The following STXBP4 variants were observed in gnomAD, a reference collection of about 807,000 sequenced individuals.
The protein encoded by STXBP4 is syntaxin-binding protein 4.
STXBP4 carries 55 observed loss-of-function variants against 76.1 expected under a neutral mutation model. The observed-to-expected ratio is 0.72, with a 90% CI of 0.58 to 0.91. The LOEUF (loss-of-function observed/expected upper bound fraction) is 0.91. STXBP4 is among the 40% of genes least tolerant of loss of function. The pLI is 0.00. For missense variants in STXBP4, 618 were observed against 636.9 expected, an observed-to-expected ratio of 0.97 and a Z score of 0.32; for synonymous variants, 201 against 220.2, an observed-to-expected ratio of 0.91 and a Z score of 0.77.
intron 10 of STXBP4, among the ~76,000 whole-genome samples, chr17:55,041,988 G>T (rs912316616): frequency 1.3e-5 from 2 of 152,108 alleles, no homozygotes; most frequent in African/African-American, 4.8e-5. Flanking sequence ...ACTTCTGAGA[G>T]AGCAGAGTAA....
At position 55,127,386 on chromosome 17, in the gene STXBP4, G is replaced by C. The variant is rs145826850; in HGVS notation, c.1490-13924G>C. Among the ~76,000 whole-genome samples the C allele has an allele frequency of 3.9e-5, 6 of 152,140 alleles. No individual in the cohort carries two copies. The East Asian group carries it at 7.7e-4, about 20-fold the overall frequency. ...ATTGTTTTCAATTTGGAGCTAGTAT[G>C]AATAAAACTGTTGTGAACATTCAAG... On this transcript the variant is annotated intron_variant, in intron 16 of 17. Transcript: ENST00000376352.
At chr17:55,107,458 T>C (rs2079648827) in intron 16 of STXBP4, among the ~76,000 whole-genome samples, 1 of 152,232 alleles carries the variant, frequency 6.6e-6, no homozygotes, top group South Asian at 2.1e-4. Context: ...AAACTCATTC[T>C]CCATCCAGTT....
intron 16 of STXBP4, among the ~76,000 whole-genome samples, chr17:55,086,816 T>C (rs1567755449): frequency 6.6e-6 from 1 of 152,174 alleles, no homozygotes; most frequent in African/African-American, 2.4e-5. Context: ...TGTAGTTCTA[T>C]TTTTGTTTTT....
chr17:55,174,148 T>C (rs2092910324), downstream of STXBP4, among the ~76,000 whole-genome samples: 1 of 152,242 alleles, frequency 6.6e-6, no homozygotes, highest in Non-Finnish European at 1.5e-5. Flanking sequence ...CTTAATCACA[T>C]CTGCAAAATC....
intron 16 of STXBP4, among the ~76,000 whole-genome samples, chr17:55,136,848 G>A (rs1002553325): frequency 1.3e-5 from 2 of 152,088 alleles, no homozygotes; most frequent in South Asian, 2.1e-4. Context: ...ACGCCTTAAC[G>A]GAGGTTTCCC....
intron 16 of STXBP4, 85 bp from the exon 17 acceptor site, chr17:55,141,225 G>C: frequency 9.1e-7 from 1 of 1,094,602 alleles, no homozygotes; most frequent in Non-Finnish European, 1.3e-6. Context: ...TCAAATAATT[G>C]TAAAGATGAG....
chr17:55,024,298 A>C (rs2078373103), intron 8 of STXBP4, among the ~76,000 whole-genome samples: 1 of 152,236 alleles, frequency 6.6e-6, no homozygotes, highest in African/African-American at 2.4e-5. Flanking sequence ...TTCTAGTGCC[A>C]CCACATAAGG....
At position 55,161,069 on chromosome 17, in the gene STXBP4, G is replaced by A. The variant is rs2080332611; in HGVS notation, c.*1158G>A. Reference sequence around the variant, plus strand: ...CAGACCTAGAGGTCCTTAGAACATAGTCTAAGAACCATTCATTGTAGCCAT... The same window carrying A: ...CAGACCTAGAGGTCCTTAGAACATAATCTAAGAACCATTCATTGTAGCCAT... On this transcript the variant is annotated 3_prime_UTR_variant, in exon 18 of 18. Transcript: ENST00000376352. 2 of 152,198 alleles carry A rather than the reference G, an allele frequency of 1.3e-5. No homozygotes were observed. The highest frequency in any genetic ancestry group is 2.4e-5 in the African/African-American group (1 of 41,434). 9.4% of individuals were successfully genotyped at this position (152,198 alleles called of 1,614,324 possible).
At chr17:55,058,769 CTG>C (rs1320773094) in intron 12 of STXBP4, among the ~76,000 whole-genome samples, 3 of 152,110 alleles carry the variant, frequency 2.0e-5, no homozygotes, top group Non-Finnish European at 4.4e-5. Context: ...TTTATCATAA[CTG>C]AAATTACTAT....
intron 17 of STXBP4, among the ~76,000 whole-genome samples, chr17:55,142,782 T>C (rs1206400684): frequency 6.6e-6 from 1 of 152,196 alleles, no homozygotes; most frequent in Non-Finnish European, 1.5e-5. Context: ...TAGCATGAAG[T>C]GATTAATCAG....
rs1455387140 is a variant in STXBP4 at position 55,169,395 on chromosome 17, A to C, written c.*9484A>C. ...GGGGTGGGGGTGGGTGTAAATTTCC[A>C]GGTGCTTCCAGCCTGCAATGCAGTC... On this transcript the variant is annotated 3_prime_UTR_variant, in exon 18 of 18. Coordinates refer to ENST00000376352, the MANE Select transcript of STXBP4 (RefSeq NM_178509.6). 6.6e-6 allele frequency: 1 copy of C among 152,260 alleles called. No homozygotes were observed. The highest frequency in any genetic ancestry group is 2.4e-5 in the African/African-American group (1 of 41,398). 9.4% of individuals were successfully genotyped at this position (152,260 alleles called of 1,614,324 possible).
chr17:55,062,714 A>G (rs1383936078), intron 12 of STXBP4, among the ~76,000 whole-genome samples: 2 of 152,182 alleles, frequency 1.3e-5, no homozygotes, highest in African/African-American at 4.8e-5. Context: ...CACTCCCACC[A>G]ACAGTGTAAA....
At chr17:55,010,741 GC>G (rs1413306632) in intron 8 of STXBP4, among the ~76,000 whole-genome samples, 1 of 152,122 alleles carries the variant, frequency 6.6e-6, no homozygotes, top group Admixed American at 6.5e-5. Flanking sequence ...ACTGTAGAGA[GC>G]AATGGCATAC....
At chr17:54,974,799 A>G (rs1026076392) in intron 1 of STXBP4, among the ~76,000 whole-genome samples, 5 of 151,950 alleles carry the variant, frequency 3.3e-5, no homozygotes, top group African/African-American at 4.8e-5. Context: ...GGGCTACCCC[A>G]TAGGCACTCT....
chr17:54,997,839 C>G (rs1412855988), intron 4 of STXBP4, among the ~76,000 whole-genome samples: 1 of 149,846 alleles, frequency 6.7e-6, no homozygotes, highest in African/African-American at 2.5e-5. Context: ...CTTTCTGCCT[C>G]AGCCTCTCAA....
At chr17:54,996,645 T>C (rs2144458466) in intron 4 of STXBP4, among the ~76,000 whole-genome samples, 1 of 152,208 alleles carries the variant, frequency 6.6e-6, no homozygotes, top group Non-Finnish European at 1.5e-5. Flanking sequence ...GCTAAGAAAA[T>C]AGAGGTTCAT....
chr17:54,984,022 T>C (rs2077588143), intron 1 of STXBP4, among the ~76,000 whole-genome samples: 1 of 152,188 alleles, frequency 6.6e-6, no homozygotes, highest in South Asian at 2.1e-4. Flanking sequence ...TGGCTTCATT[T>C]TTCTGGCTGC....
intron 16 of STXBP4, among the ~76,000 whole-genome samples, chr17:55,134,319 G>A (rs1336245270): frequency 6.6e-6 from 1 of 152,040 alleles, no homozygotes; most frequent in Non-Finnish European, 1.5e-5. Context: ...GAAGTACACA[G>A]TTATTTTATA....
At chr17:54,973,695 G>A (rs950161267) in intron 1 of STXBP4, among the ~76,000 whole-genome samples, 11 of 152,138 alleles carry the variant, frequency 7.2e-5, no homozygotes, top group Admixed American at 3.3e-4. Context: ...AAATTGTTAC[G>A]ATAACTAATG....
Sources: gnomAD v4.1 joint callset for allele counts (sites outside exome capture counted in the v4.1 genomes callset) on GRCh38, gnomAD v4.1.1 for gene constraint, MANE v1.5 for transcripts, NCBI Gene and HGNC (gene_info 2026-07-23, HGNC 2026-07-21) for gene names.